The following FAM117B variants were observed in gnomAD, a reference collection of about 807,000 sequenced individuals.
FAM117B encodes the protein family with sequence similarity 117 member B.
FAM117B carries 22 observed loss-of-function variants against 52.8 expected under a neutral mutation model. That is an observed-to-expected ratio of 0.42 (90% CI 0.30 to 0.59). The LOEUF is 0.59. Ranked by LOEUF, FAM117B falls within the 20% of genes least tolerant of loss-of-function variation. The pLI, the probability that FAM117B is intolerant of heterozygous loss-of-function variation, is 0.22. For missense variants in FAM117B, 678 were observed against 802.6 expected (o/e 0.84, Z 1.88); for synonymous variants, 309 against 324.1 (o/e 0.95, Z 0.50).
rs992536958 is a variant in FAM117B, at chr2:202,739,392, CGTCTGTCTTTCT to C, written c.960+13039_960+13050del. Reference sequence around the variant, plus strand: ...TCCTTTTCCCTTTTCCTTCCCTTTCCGTCTGTCTTTCTGTCTGTCTTCCTGTCTGTCTGTCTG... The same window carrying C: ...TCCTTTTCCCTTTTCCTTCCCTTTCCGTCTGTCTTCCTGTCTGTCTGTCTG... On this transcript the variant is annotated intron_variant, in intron 4 of 7. Transcript: ENST00000392238. Among the ~76,000 whole-genome samples, 296 of 151,666 alleles carry C rather than the reference CGTCTGTCTTTCT, an allele frequency of 2.0e-3. 5 individuals are homozygous for C. The East Asian group carries it at 0.049, about 25-fold the overall frequency.
chr2:202,761,184 A>G (rs535020628), intron 7 of FAM117B, among the ~76,000 whole-genome samples: 9 of 152,366 alleles, frequency 5.9e-5, no homozygotes, highest in African/African-American at 1.9e-4. Flanking sequence ...GGCATGAGCC[A>G]CTGCATCCGG....
intron 4 of FAM117B, among the ~76,000 whole-genome samples, chr2:202,754,839 G>A (rs922602024): frequency 3.1e-5 from 4 of 128,776 alleles, no homozygotes; most frequent in East Asian, 2.4e-4. Flanking sequence ...GCAGTGAGCC[G>A]AGATCACATC....
chr2:202,749,051 G>C (rs1415082964), intron 4 of FAM117B, among the ~76,000 whole-genome samples: 1 of 151,828 alleles, frequency 6.6e-6, no homozygotes, highest in Non-Finnish European at 1.5e-5. Flanking sequence ...CAAAGGTTTA[G>C]AAAAAATAAA....
intron 1 of FAM117B, among the ~76,000 whole-genome samples, chr2:202,646,433 G>T (rs568560394): frequency 1.3e-5 from 2 of 152,208 alleles, no homozygotes; most frequent in East Asian, 1.9e-4. Context: ...CCAAAAGTAG[G>T]TTTTTTTTCT....
At chr2:202,718,320 A>G (rs527837676) in intron 2 of FAM117B, among the ~76,000 whole-genome samples, 26 of 152,258 alleles carry the variant, frequency 1.7e-4, no homozygotes, top group African/African-American at 6.0e-4. Context: ...GTTTTTCTTC[A>G]TTGAATATGG....
intron 1 of FAM117B, among the ~76,000 whole-genome samples, chr2:202,666,423 A>G (rs1690205711): frequency 6.6e-6 from 1 of 151,822 alleles, no homozygotes; most frequent in Non-Finnish European, 1.5e-5. Context: ...TATGTACCAT[A>G]TGTACAGTCA....
At chr2:202,721,810 T>A (rs182999836) in intron 2 of FAM117B, among the ~76,000 whole-genome samples, 145 of 151,958 alleles carry the variant, frequency 9.5e-4, no homozygotes, top group African/African-American at 2.8e-3. Flanking sequence ...ATTTTTTACA[T>A]TTTTTTAGAG....
intron 4 of FAM117B, among the ~76,000 whole-genome samples, chr2:202,733,987 T>C (rs926518238): frequency 1.3e-5 from 2 of 152,236 alleles, no homozygotes; most frequent in African/African-American, 4.8e-5. Context: ...TAAGAAATTA[T>C]AAAAGTATTA....
chr2:202,715,549 C>T (rs1296438089), intron 2 of FAM117B, among the ~76,000 whole-genome samples: 4 of 152,140 alleles, frequency 2.6e-5, no homozygotes, highest in Non-Finnish European at 5.9e-5. Flanking sequence ...ACGCTCCTCA[C>T]TTCCTAGATG....
intron 2 of FAM117B, among the ~76,000 whole-genome samples, chr2:202,723,255 C>G (rs769976771): frequency 1.8e-4 from 28 of 152,220 alleles, no homozygotes; most frequent in Admixed American, 3.3e-4. Flanking sequence ...CTTTTCCTTC[C>G]CCATTTGAAA....
intron 2 of FAM117B, among the ~76,000 whole-genome samples, chr2:202,697,956 A>G (rs552641785): frequency 6.6e-6 from 1 of 151,516 alleles, no homozygotes; most frequent in Non-Finnish European, 1.5e-5. Context: ...TGAAACCTCC[A>G]CCTCCCGGGT....
intron 5 of FAM117B, among the ~76,000 whole-genome samples, chr2:202,756,778 C>T (rs931589043): frequency 6.6e-6 from 1 of 152,082 alleles, no homozygotes; most frequent in Non-Finnish European, 1.5e-5. Flanking sequence ...ATTAACCTTT[C>T]CCCCATTTAG....
rs781194212 is a variant in FAM117B at position 202,755,503 on chromosome 2, T to C, written c.961-35T>C. On this transcript the variant is annotated intron_variant, in intron 4 of 7. Coordinates refer to ENST00000392238, the MANE Select transcript of FAM117B (RefSeq NM_173511.4). ...TTCAGCCTAGAAAATTAAAAGGTAA[T>C]GTTAAGCCTCTCTTCTCCATCCCAT... is the stretch of plus-strand genomic sequence containing the variant. 48 of 1,607,402 alleles carry C rather than the reference T, an allele frequency of 3.0e-5. No individual in the cohort carries two copies. In the Admixed American group the frequency reaches 7.7e-4, roughly 26 times the overall value.
chr2:202,749,982 T>C (rs916065555), intron 4 of FAM117B, among the ~76,000 whole-genome samples: 1 of 152,214 alleles, frequency 6.6e-6, no homozygotes, highest in Non-Finnish European at 1.5e-5. Flanking sequence ...CAAAATATTA[T>C]GCATAGACTA....
chr2:202,675,862 G>A (rs1388348554), intron 1 of FAM117B, among the ~76,000 whole-genome samples: 9 of 151,772 alleles, frequency 5.9e-5, no homozygotes, highest in Non-Finnish European at 8.8e-5. Context: ...GCATGTGCCC[G>A]TAATCCCAGC....
chr2:202,682,603 G>T (rs560623271), intron 1 of FAM117B, among the ~76,000 whole-genome samples: 1 of 152,188 alleles, frequency 6.6e-6, no homozygotes, highest in Non-Finnish European at 1.5e-5. Context: ...AGCACAGTAC[G>T]TATTCTTTTC....
intron 5 of FAM117B, among the ~76,000 whole-genome samples, chr2:202,756,377 A>T (rs933094962): frequency 6.6e-5 from 10 of 152,132 alleles, no homozygotes; most frequent in African/African-American, 2.4e-4. Flanking sequence ...TCGAAAAAAA[A>T]AAAAATTCTG....
intron 1 of FAM117B, among the ~76,000 whole-genome samples, chr2:202,636,242 T>G (rs1446954776): frequency 6.6e-6 from 1 of 152,222 alleles, no homozygotes; most frequent in African/African-American, 2.4e-5. Context: ...ACAAAACAGT[T>G]TCAGATCTGG....
chr2:202,697,675 C>T (rs1441281274), intron 2 of FAM117B, among the ~76,000 whole-genome samples: 3 of 151,310 alleles, frequency 2.0e-5, no homozygotes, highest in African/African-American at 4.9e-5. Context: ...CTCAGCCTCC[C>T]GAGGAGCTGG....
Sources: gnomAD v4.1 joint callset for allele counts (sites outside exome capture counted in the v4.1 genomes callset) on GRCh38, gnomAD v4.1.1 for gene constraint, MANE v1.5 for transcripts, NCBI Gene and HGNC (gene_info 2026-07-23, HGNC 2026-07-21) for gene names.